Variants in SOS2 observed in about 807,000 individuals in gnomAD.
The protein encoded by SOS2 is son of sevenless homolog 2.
In SOS2, 65 loss-of-function variants were observed where a neutral mutation model predicts 148.2. That is an observed-to-expected ratio of 0.44 (90% confidence interval 0.36 to 0.54). The LOEUF (loss-of-function observed/expected upper bound fraction) is 0.54. Ranked by LOEUF, SOS2 falls within the 20% of genes least tolerant of loss-of-function variation. The pLI, the probability that SOS2 is intolerant of heterozygous loss-of-function variation, is 0.00. For synonymous variants in SOS2, 539 were observed against 537.1 expected (o/e 1.00, Z -0.05); for missense variants, 1,341 against 1,590.2 (o/e 0.84, Z 2.67).
chr14:50,165,599 T>C (rs760331358), intron 8 of SOS2, among the ~76,000 whole-genome samples: 2 of 152,214 alleles, frequency 1.3e-5, no homozygotes, highest in Non-Finnish European at 2.9e-5. Context: ...ATTGTAATTA[T>C]TTGTTTGACA....
At chr14:50,217,629 T>C (rs1056452785) in intron 1 of SOS2, among the ~76,000 whole-genome samples, 3 of 152,150 alleles carry the variant, frequency 2.0e-5, no homozygotes, top group Admixed American at 6.5e-5. Flanking sequence ...ATGACACTAA[T>C]GGCACAGTCC....
chr14:50,196,665 T>C (rs1182516247), intron 4 of SOS2, among the ~76,000 whole-genome samples: 1 of 152,198 alleles, frequency 6.6e-6, no homozygotes, highest in East Asian at 1.9e-4. Flanking sequence ...GTAATAAATG[T>C]TAATCAGCTT....
At chr14:50,153,210 T>G (rs2139604731) in intron 12 of SOS2, 37 bp from the exon 13 acceptor site, 6 of 1,165,174 alleles carry the variant, frequency 5.1e-6, no homozygotes, top group Non-Finnish European at 7.7e-6. Context: ...TAGTGAAACA[T>G]AAGTGTTCAA....
At chr14:50,135,534 TTATA>T (rs989637250) in intron 18 of SOS2, among the ~76,000 whole-genome samples, 36 of 148,818 alleles carry the variant, frequency 2.4e-4, no homozygotes, top group African/African-American at 8.3e-4. Context: ...ATATATGTAT[TTATA>T]TATAATTATT....
At position 50,157,159 on chromosome 14, in the gene SOS2, C is replaced by CA. The variant is rs1403263125; in HGVS notation, c.1935-39dup. The CA allele has an allele frequency of 2.5e-6, 4 of 1,588,988 alleles. No homozygotes were observed. In the East Asian group the frequency reaches 9.0e-5, roughly 36 times the overall value. On this transcript the variant is annotated intron_variant, in intron 11 of 22. Coordinates refer to ENST00000216373, the MANE Select transcript of SOS2 (RefSeq NM_006939.4). Reference sequence around the variant, plus strand: ...GCAAAAGGAGAAAAATCCGTTCATACATAATGAAAATACAAGGAGGAAAAC... The same window carrying CA: ...GCAAAAGGAGAAAAATCCGTTCATACAATAATGAAAATACAAGGAGGAAAAC...
chr14:50,137,297 T>C (rs1436323548), intron 18 of SOS2, among the ~76,000 whole-genome samples: 1 of 152,210 alleles, frequency 6.6e-6, no homozygotes, highest in African/African-American at 2.4e-5. Flanking sequence ...GGCATACATA[T>C]ACCACTTTGC....
At chr14:50,213,989 G>T (rs1048818477) in intron 1 of SOS2, among the ~76,000 whole-genome samples, 1 of 151,706 alleles carries the variant, frequency 6.6e-6, no homozygotes, top group African/African-American at 2.4e-5. Context: ...ACATGAAATA[G>T]CAATATAAGC....
At chr14:50,211,131 G>C (rs1269129941) in intron 1 of SOS2, among the ~76,000 whole-genome samples, 1 of 152,078 alleles carries the variant, frequency 6.6e-6, no homozygotes, top group Non-Finnish European at 1.5e-5. Context: ...CTGAACACCT[G>C]AAATGTAGCT....
At chr14:50,151,476 G>C (rs573199322) in intron 13 of SOS2, among the ~76,000 whole-genome samples, 2 of 152,160 alleles carry the variant, frequency 1.3e-5, no homozygotes, top group Admixed American at 6.5e-5. Flanking sequence ...TAATTCCCTA[G>C]GTTTATTATT....
At chr14:50,210,377 C>T (rs1357921144) in intron 1 of SOS2, among the ~76,000 whole-genome samples, 2 of 152,054 alleles carry the variant, frequency 1.3e-5, no homozygotes, top group Non-Finnish European at 2.9e-5. Flanking sequence ...TCAACCTTTA[C>T]CCAAAAATCA....
At chr14:50,155,073 A>G (rs1884772093) in intron 12 of SOS2, among the ~76,000 whole-genome samples, 1 of 150,340 alleles carries the variant, frequency 6.7e-6, no homozygotes, top group African/African-American at 2.5e-5. Context: ...AAATGAACTG[A>G]TAGATGAATG....
chr14:50,190,792 T>C (rs1361402579), intron 4 of SOS2, among the ~76,000 whole-genome samples: 3 of 152,210 alleles, frequency 2.0e-5, no homozygotes, highest in African/African-American at 7.2e-5. Flanking sequence ...GCTTACTCCA[T>C]GCAATCCACC....
At chr14:50,187,161 C>A (rs1885939198) in intron 5 of SOS2, among the ~76,000 whole-genome samples, 1 of 151,930 alleles carries the variant, frequency 6.6e-6, no homozygotes, top group Admixed American at 6.6e-5. Flanking sequence ...CAGGCATGTG[C>A]CATCATGCCC....
chr14:50,218,275 C>A (rs1459179404), intron 1 of SOS2, among the ~76,000 whole-genome samples: 2 of 142,310 alleles, frequency 1.4e-5, no homozygotes, highest in African/African-American at 5.2e-5. Context: ...GTAATCCCAG[C>A]ACTTTGGGAG....
intron 1 of SOS2, among the ~76,000 whole-genome samples, chr14:50,216,449 A>G (rs1887042414): frequency 6.6e-6 from 1 of 152,146 alleles, no homozygotes; most frequent in African/African-American, 2.4e-5. Flanking sequence ...TTTTAGTTGA[A>G]GTATATATAC....
intron 4 of SOS2, among the ~76,000 whole-genome samples, chr14:50,197,057 T>G (rs1315067000): frequency 6.6e-6 from 1 of 152,072 alleles, no homozygotes; most frequent in Admixed American, 6.6e-5. Context: ...AGAGACATGT[T>G]GCCCAGGCTG....
chr14:50,125,780 G>T (rs1211134089), intron 21 of SOS2, among the ~76,000 whole-genome samples: 1 of 152,174 alleles, frequency 6.6e-6, no homozygotes, highest in African/African-American at 2.4e-5. Flanking sequence ...CCTACTTAGT[G>T]AGGCCAGGCA....
In SOS2 at chr14:50,207,299, G is replaced by C. The variant is rs550688548; in HGVS notation, c.88-2890C>G. ...AGGCCAAGGTCAGAGGATCGCTTGA[G>C]GCCAGGAATTCCAGACCAGCCTGGG... On this transcript the variant is annotated intron_variant, in intron 1 of 22. Coordinates refer to ENST00000216373, the MANE Select transcript of SOS2 (RefSeq NM_006939.4). Among the ~76,000 whole-genome samples the C allele has an allele frequency of 5.3e-5, 8 of 150,960 alleles. No individual in the cohort carries two copies. The East Asian group carries it at 1.4e-3, about 27-fold the overall frequency.
chr14:50,222,330 G>A (rs914876722), intron 1 of SOS2, among the ~76,000 whole-genome samples: 1 of 152,150 alleles, frequency 6.6e-6, no homozygotes, highest in Non-Finnish European at 1.5e-5. Context: ...TCCTAATTTA[G>A]GAGAAAGAAT....
Sources: allele counts gnomAD v4.1 joint callset (sites outside exome capture counted in the v4.1 genomes callset), GRCh38; gene constraint gnomAD v4.1.1; transcripts MANE v1.5; gene names NCBI Gene and HGNC (gene_info 2026-07-23, HGNC 2026-07-21).